Variants in AGAP1 observed in about 807,000 individuals in gnomAD.
AGAP1 encodes ArfGAP with GTPase domain, ankyrin repeat and PH domain 1, also known as arf-GAP with GTPase, ANK repeat and PH domain-containing protein 1.
AGAP1 carries 29 observed loss-of-function variants against 105.3 expected under a neutral mutation model. The ratio of observed to expected loss-of-function variants is 0.28; its 90% CI spans 0.21 to 0.38. AGAP1 has a LOEUF of 0.38. Ranked by LOEUF, AGAP1 falls within the 10% of genes least tolerant of loss-of-function variation. AGAP1 has a pLI of 1.00. For missense variants in AGAP1, 998 were observed against 1,165.1 expected, an observed-to-expected ratio of 0.86 and a Z score of 2.09; for synonymous variants, 509 against 485.9, an observed-to-expected ratio of 1.05 and a Z score of -0.63.
At chr2:235,702,303 A>G (rs1950294200) in intron 1 of AGAP1, among the ~76,000 whole-genome samples, 1 of 152,184 alleles carries the variant, frequency 6.6e-6, no homozygotes, top group Non-Finnish European at 1.5e-5. Context: ...CTTAATGAAG[A>G]TGAGGTCCTG....
intron 6 of AGAP1, among the ~76,000 whole-genome samples, chr2:235,778,056 C>T (rs1023149337): frequency 2.6e-5 from 4 of 152,106 alleles, no homozygotes; most frequent in Non-Finnish European, 4.4e-5. Flanking sequence ...CACTGAGACC[C>T]TTTCTCTGAG....
intron 10 of AGAP1, among the ~76,000 whole-genome samples, chr2:235,895,197 A>C (rs1308761471): frequency 2.6e-5 from 4 of 152,146 alleles, no homozygotes; most frequent in African/African-American, 7.2e-5. Context: ...GTTACTCCTA[A>C]GCTGCTTTTA....
At chr2:235,565,179 AGGTGTGAGCCAGGAGCATCCTCCCAGG>A (rs1265499447) in intron 1 of AGAP1, among the ~76,000 whole-genome samples, 1 of 149,620 alleles carries the variant, frequency 6.7e-6, no homozygotes, top group African/African-American at 2.5e-5. Context: ...ACCCACGGCC[AGGTGTGAGCCAGGAGCATCCTCCCAGG>A]GCCAGGTGTG....
rs2057912908 is a variant in AGAP1, at chr2:236,051,956, AAGT to A, written c.2114+2676_2114+2678del. On this transcript the variant is annotated intron_variant, in intron 16 of 17. Coordinates refer to ENST00000304032, the MANE Select transcript of AGAP1 (RefSeq NM_001037131.3). The surrounding 1 kb of genome is among the most constrained non-coding windows in gnomAD (Gnocchi z 5.9). Reference sequence around the variant, plus strand: ...CCCTCAATAGAAAATGGAAAAGTGAAAGTCGGGGCTGGAATCTCCGCAAGCCGG... The same window carrying A: ...CCCTCAATAGAAAATGGAAAAGTGAACGGGGCTGGAATCTCCGCAAGCCGG... Among the ~76,000 whole-genome samples the A allele has an allele frequency of 2.0e-5, 3 of 152,226 alleles. No homozygotes were observed. In the South Asian group the frequency reaches 6.2e-4, roughly 32 times the overall value.
At chr2:235,868,118 T>C (rs2049269197) in intron 9 of AGAP1, among the ~76,000 whole-genome samples, 1 of 151,988 alleles carries the variant, frequency 6.6e-6, no homozygotes, top group Admixed American at 6.6e-5. Context: ...CAAAGTGTAA[T>C]GAATGCAAAT....
chr2:235,682,086 T>C (rs1575114678), intron 1 of AGAP1, among the ~76,000 whole-genome samples: 1 of 151,660 alleles, frequency 6.6e-6, no homozygotes, highest in Admixed American at 6.6e-5. Flanking sequence ...CTCCTGACCT[T>C]GTGATCCACG....
rs941242762 is a variant in AGAP1 at position 236,089,871 on chromosome 2, T to C, written c.2115-30321T>C. Among the ~76,000 whole-genome samples, 85 of 152,310 alleles carry C rather than the reference T, an allele frequency of 5.6e-4. No individual in the cohort carries two copies. Among genetic ancestry groups the C allele is most frequent in the African/African-American group, 1.9e-3 (81 of 41,566 alleles). On this transcript the variant is annotated intron_variant, in intron 16 of 17. Transcript: ENST00000304032. This position sits in a 1 kb window ranked among gnomAD's most constrained non-coding sequence, Gnocchi z 5.6. ...TGCCTCATTTCTCATTGGTGGACTT[T>C]CTACTGTTAACCACCAAGAAATGAC...
In AGAP1 at chr2:235,960,839, G is replaced by A. The variant is rs952782047; in HGVS notation, c.1484-7623G>A. Among the ~76,000 whole-genome samples the A allele has an allele frequency of 2.0e-5, 3 of 152,144 alleles. No homozygotes were observed. Among genetic ancestry groups the A allele is most frequent in the South Asian group, 2.1e-4 (1 of 4,820 alleles). ...ACTTCACTCATGGACTCAGTCGTTC[G>A]CCTAAAAATAGATTCCAAATGGTTG... On this transcript the variant is annotated intron_variant, in intron 12 of 17. Coordinates refer to ENST00000304032, the MANE Select transcript of AGAP1 (RefSeq NM_001037131.3). The surrounding 1 kb of genome is among the most constrained non-coding windows in gnomAD (Gnocchi z 4.9).
chr2:236,087,384 G>A lies in AGAP1; in HGVS notation c.2115-32808G>A, dbSNP rs1245387383. Among the ~76,000 whole-genome samples the A allele has an allele frequency of 6.6e-6, 1 of 152,174 alleles. No individual in the cohort carries two copies. Among genetic ancestry groups the A allele is most frequent in the Non-Finnish European group, 1.5e-5 (1 of 68,032 alleles). On this transcript the variant is annotated intron_variant, in intron 16 of 17. Transcript: ENST00000304032. The surrounding 1 kb of genome is among the most constrained non-coding windows in gnomAD (Gnocchi z 5.7). ...CAGGTCCCCGACAGCCCTGCTCCAA[G>A]GACAGACAACCTCGTCTTGCAGGAT...
At position 235,898,489 on chromosome 2, in the gene AGAP1, C is replaced by G. The variant is rs866501357; in HGVS notation, c.1156-10249C>G. Among the ~76,000 whole-genome samples, 4 of 135,392 alleles carry G rather than the reference C, an allele frequency of 3.0e-5. No homozygotes were observed. In the South Asian group the frequency reaches 1.1e-3, roughly 38 times the overall value. 88.8% of individuals were successfully genotyped at this position (135,392 alleles called of 152,430 possible). On this transcript the variant is annotated intron_variant, in intron 10 of 17. Transcript: ENST00000304032. The stretch of plus-strand genomic sequence containing the variant: ...GGACAGGTTCCCCCCCCCACCCCCA[C>G]CCCCGCCTGTGCTACAAAGTGAAAA...
intron 1 of AGAP1, among the ~76,000 whole-genome samples, chr2:235,643,887 T>G (rs1367383352): frequency 6.6e-6 from 1 of 152,158 alleles, no homozygotes; most frequent in African/African-American, 2.4e-5. Flanking sequence ...GCATACACAT[T>G]TGGTTCTTCT....
rs560620535 is a variant in AGAP1, at chr2:235,611,853, C to T, written c.164-97326C>T. ...TAGGAGACAAAGAAATCCTTCCCTC[C>T]CTGTTCCAGTTGTGGAACATATGGT... On this transcript the variant is annotated intron_variant, in intron 1 of 17. Transcript: ENST00000304032. This position sits in a 1 kb window ranked among gnomAD's most constrained non-coding sequence, Gnocchi z 5.0. Among the ~76,000 whole-genome samples the T allele has an allele frequency of 1.3e-5, 2 of 152,282 alleles. No homozygotes were observed. Among genetic ancestry groups the T allele is most frequent in the Admixed American group, 1.3e-4 (2 of 15,288 alleles).
At position 236,043,375 on chromosome 2, in the gene AGAP1, A is replaced by G. The variant is rs2057614913; in HGVS notation, c.1891+2534A>G. 2.0e-5 allele frequency among the ~76,000 whole-genome samples: 3 copies of G among 152,242 alleles called. No individual in the cohort carries two copies. In the South Asian group the frequency reaches 6.2e-4, roughly 32 times the overall value. On this transcript the variant is annotated intron_variant, in intron 15 of 17. Transcript: ENST00000304032. Reference sequence around the variant, plus strand: ...TCAGAAGCATCCCAAATGTCTAACAATTGAAGAGCAGTTCATGGTGATGTC... The same window carrying G: ...TCAGAAGCATCCCAAATGTCTAACAGTTGAAGAGCAGTTCATGGTGATGTC...
At chr2:235,715,904 A>G (rs894115953) in intron 2 of AGAP1, among the ~76,000 whole-genome samples, 1 of 152,056 alleles carries the variant, frequency 6.6e-6, no homozygotes, top group Non-Finnish European at 1.5e-5. Flanking sequence ...TCAGAAGCTG[A>G]TGAGGAGACT....
At chr2:235,816,576 T>C (rs1026335972) in intron 9 of AGAP1, among the ~76,000 whole-genome samples, 2 of 151,914 alleles carry the variant, frequency 1.3e-5, no homozygotes, top group Non-Finnish European at 2.9e-5. Context: ...TCTTTGGCCA[T>C]TTGCAAACAC....
At chr2:236,054,351 A>T (rs1414632218) in intron 16 of AGAP1, among the ~76,000 whole-genome samples, 1 of 152,088 alleles carries the variant, frequency 6.6e-6, no homozygotes, top group African/African-American at 2.4e-5. Flanking sequence ...CTCAGGGAAC[A>T]CGACTGCCCA....
intron 12 of AGAP1, among the ~76,000 whole-genome samples, chr2:235,950,496 G>A (rs367998472): frequency 8.7e-4 from 132 of 152,262 alleles, no homozygotes; most frequent in African/African-American, 2.9e-3. Flanking sequence ...GGCTGGCAGC[G>A]CTGGGAAGGG....
chr2:235,653,061 G>C (rs765965932), intron 1 of AGAP1, among the ~76,000 whole-genome samples: 5 of 152,178 alleles, frequency 3.3e-5, no homozygotes, highest in Non-Finnish European at 7.3e-5. Flanking sequence ...TAAGAGGGTA[G>C]GCTTTGCTGT....
Position 236,109,735 on chromosome 2 carries a change from C to T in AGAP1, c.2115-10457C>T, listed in dbSNP as rs1163836955. Among the ~76,000 whole-genome samples, 1 of 152,202 alleles carries T rather than the reference C, an allele frequency of 6.6e-6. No individual in the cohort carries two copies. The highest frequency in any genetic ancestry group is 2.4e-5 in the African/African-American group (1 of 41,470). On this transcript the variant is annotated intron_variant, in intron 16 of 17. Coordinates refer to ENST00000304032, the MANE Select transcript of AGAP1 (RefSeq NM_001037131.3). This position sits in a 1 kb window ranked among gnomAD's most constrained non-coding sequence, Gnocchi z 5.4. ...GCATCCCAGGGTAGCAGCTGCCAAC[C>T]ACATACTTATGTAAAGCACTGGAAA...
Sources: allele counts gnomAD v4.1 joint callset (sites outside exome capture counted in the v4.1 genomes callset), GRCh38; gene constraint gnomAD v4.1.1; non-coding constraint Gnocchi (gnomAD v3.1); transcripts MANE v1.5; gene names NCBI Gene and HGNC (gene_info 2026-07-23, HGNC 2026-07-21).